Variants in TRPA1 observed in about 807,000 individuals in gnomAD.
The protein encoded by TRPA1 is transient receptor potential cation channel subfamily A member 1.
A neutral mutation model predicts 131.3 loss-of-function variants in TRPA1; 129 were observed. That is an observed-to-expected ratio of 0.98 (90% CI 0.85 to 1.14). The LOEUF is 1.14. Ranked by LOEUF, TRPA1 falls within the 50% of genes most tolerant of loss-of-function variation. TRPA1 has a pLI of 0.00. For synonymous variants in TRPA1, 441 were observed against 451.7 expected, an observed-to-expected ratio of 0.98 and a Z score of 0.30; for missense variants, 1,304 against 1,354.2, an observed-to-expected ratio of 0.96 and a Z score of 0.58.
chr8:72,025,119 T>G (rs1563378849), intron 25 of TRPA1, among the ~76,000 whole-genome samples: 2 of 146,464 alleles, frequency 1.4e-5, no homozygotes, highest in Non-Finnish European at 3.0e-5. Context: ...TGTGTGTGTG[T>G]GTGTGTGTGT....
chr8:72,029,487 A>T (rs955304259), intron 24 of TRPA1, among the ~76,000 whole-genome samples: 6 of 152,212 alleles, frequency 3.9e-5, no homozygotes. Flanking sequence ...ATGCTAAGTA[A>T]CTGTGCTCTT....
chr8:72,083,362 C>G, the TRPA1 span, among the ~76,000 whole-genome samples: 1 of 151,962 alleles, frequency 6.6e-6, no homozygotes, highest in Non-Finnish European at 1.5e-5. Context: ...TGTTTCTTTG[C>G]TTGTCTTATA....
At chr8:72,053,890 T>A in intron 12 of TRPA1, 23 bp from the exon 13 acceptor site, 1 of 1,560,184 alleles carries the variant, frequency 6.4e-7, no homozygotes, top group Non-Finnish European at 8.8e-7. Context: ...TAAGAAAAGA[T>A]GTGTGCATAC....
rs1427110909 is a variant in TRPA1 at position 72,023,618 on chromosome 8, CTGAT to C, written c.3149+192_3149+195del. 8 of 512,340 alleles carry C rather than the reference CTGAT, an allele frequency of 1.6e-5. No individual in the cohort carries two copies. In the East Asian group the frequency reaches 1.7e-4, roughly 11 times the overall value. 31.7% of individuals were successfully genotyped at this position (512,340 alleles called of 1,614,324 possible). A position where few individuals can be genotyped will look rare whatever the true frequency, so the allele number is the denominator to read the frequency against. ...TATTCACTTATGATTGGAAGGCAAA[CTGAT>C]TGGTGAATAGTGGCAAATATGTTGT... On this transcript the variant is annotated intron_variant, in intron 26 of 26. Coordinates refer to ENST00000262209, the MANE Select transcript of TRPA1 (RefSeq NM_007332.3).
At chr8:72,052,522 C>A in intron 14 of TRPA1, 77 bp downstream of exon 14, 1 of 1,574,556 alleles carries the variant, frequency 6.4e-7, no homozygotes, top group Non-Finnish European at 8.7e-7. Context: ...CATTTCTTTT[C>A]TCTTATTTTG....
the TRPA1 span, among the ~76,000 whole-genome samples, chr8:72,084,780 T>A: frequency 6.6e-6 from 1 of 151,336 alleles, no homozygotes; most frequent in Admixed American, 6.6e-5. Flanking sequence ...GCCTTCTGAG[T>A]AACTGGGATT....
rs150139289 is a variant in TRPA1, at chr8:72,069,127, C to T, written c.340G>A (p.Val114Ile). Residue 114 changes from valine (V) to isoleucine (I), a missense_variant, in exon 3 of 27, where the codon GTT becomes ATT. Val to Ile is a conservative substitution (Grantham distance 29). Coordinates refer to ENST00000262209, the MANE Select transcript of TRPA1 (RefSeq NM_007332.3). ...GCTCCTCTGCTGAGAAGAAACTTAA[C>T]GCTTTCAATTTGGTTTTTTTCTACA... ...CAVEKNQIES[V>I]KFLLSRGANP... The T allele has an allele frequency of 1.0e-4, 161 of 1,614,178 alleles. 1 individual carries two copies. The African/African-American group carries it at 1.5e-3, about 15-fold the overall frequency.
chr8:72,044,250 C>G (rs1207601364), intron 17 of TRPA1, among the ~76,000 whole-genome samples: 1 of 149,728 alleles, frequency 6.7e-6, no homozygotes, highest in Non-Finnish European at 1.5e-5. Context: ...GTTTTTGAGA[C>G]CTCATCTAAA....
At chr8:72,023,455 C>A in intron 26 of TRPA1, 1 of 449,900 alleles carries the variant, frequency 2.2e-6, no homozygotes, top group South Asian at 2.3e-5. Context: ...CTGTAAAACC[C>A]TCATGCTTAA....
the TRPA1 span, among the ~76,000 whole-genome samples, chr8:72,083,823 A>G: frequency 1.3e-5 from 2 of 152,298 alleles, no homozygotes; most frequent in East Asian, 1.9e-4. Context: ...TCTGTTTCCC[A>G]TGTGGTTTGT....
chr8:72,070,729 GC>G (rs1201825971), intron 2 of TRPA1, among the ~76,000 whole-genome samples: 1 of 152,098 alleles, frequency 6.6e-6, no homozygotes, highest in Non-Finnish European at 1.5e-5. Context: ...AGCTACCTTT[GC>G]TAGCAATTTT....
intron 21 of TRPA1, among the ~76,000 whole-genome samples, chr8:72,035,625 C>T (rs538964275): frequency 1.5e-4 from 23 of 152,168 alleles, no homozygotes; most frequent in East Asian, 3.9e-4. Context: ...GTCAGAGGCC[C>T]GGGAACTCAG....
intron 6 of TRPA1, 78 bp downstream of exon 6, chr8:72,062,721 T>A: frequency 7.2e-7 from 1 of 1,389,316 alleles, no homozygotes. Context: ...CTAAATTAAC[T>A]GTAAAAGAGC....
At chr8:72,023,223 C>T (rs10089294) in intron 26 of TRPA1, 107 bp from the exon 27 acceptor site, 22 of 325,928 alleles carry the variant, frequency 6.7e-5, no homozygotes, top group South Asian at 8.1e-5. Context: ...AATGTAGGAA[C>T]GCATAGGTTT....
chr8:72,057,142 T>C, intron 9 of TRPA1, 125 bp from the exon 10 acceptor site: 2 of 746,062 alleles, frequency 2.7e-6, no homozygotes, highest in South Asian at 1.8e-5. Flanking sequence ...TTACAGGAAA[T>C]TGTGTTTAGA....
intron 24 of TRPA1, among the ~76,000 whole-genome samples, chr8:72,027,859 G>A (rs1484220467): frequency 6.6e-6 from 1 of 152,152 alleles, no homozygotes; most frequent in Non-Finnish European, 1.5e-5. Flanking sequence ...AGAAAATATG[G>A]GGGGTACTAG....
At position 72,053,861 on chromosome 8, in the gene TRPA1, G is replaced by T. The variant is rs755886534; in HGVS notation, c.1536C>A (p.His512Gln). 6.2e-7 allele frequency: 1 copy of T among 1,610,382 alleles called. No individual in the cohort carries two copies. Among genetic ancestry groups the T allele is most frequent in the Non-Finnish European group, 8.5e-7 (1 of 1,178,884 alleles). ...LKKGALFLSDHNGWTALHHAS... is the reference protein window; with the variant it reads ...LKKGALFLSDQNGWTALHHAS... ...CATGATGCAAAGCTGTCCAGCCATT[G>T]TGGTCACTGGTAAAGAGTTAAGAAA... Residue 512 changes from histidine to glutamine, a missense_variant, in exon 13 of 27, where the codon CAC (histidine) becomes CAA (glutamine). Coordinates refer to ENST00000262209, the MANE Select transcript of TRPA1 (RefSeq NM_007332.3).
rs2701459 is a variant in TRPA1 at position 72,055,531 on chromosome 8, A to C, written c.1434T>G (p.Gly478=). The part of the protein sequence containing the change: ...DISDTRLLNE[G]DLHGMTPLHL... ...GGAGAGGAGTCATTCCATGAAGGTC[A>C]CCTTCATTCAGAAGCCTCGTATCAC... The change falls in exon 12 of 27, where the codon GGT becomes GGG. Residue 478 remains glycine, a synonymous_variant. Coordinates refer to ENST00000262209, the MANE Select transcript of TRPA1 (RefSeq NM_007332.3). 425 of 1,613,576 alleles carry C rather than the reference A, an allele frequency of 2.6e-4. No individual in the cohort carries two copies. The African/African-American group carries it at 2.6e-3, about 10-fold the overall frequency.
Position 72,047,425 on chromosome 8 carries a change from G to GA in TRPA1, c.1906-219dup, listed in dbSNP as rs944996865. ...ATGCCTCAGAAATACCAGTGATTCA[G>GA]AAAAAATACCATGTACTTGAGAATA... On this transcript the variant is annotated intron_variant, in intron 15 of 26. Coordinates refer to ENST00000262209, the MANE Select transcript of TRPA1 (RefSeq NM_007332.3). 2.6e-5 allele frequency among the ~76,000 whole-genome samples: 4 copies of GA among 151,966 alleles called. No homozygotes were observed. The East Asian group carries it at 5.8e-4, about 22-fold the overall frequency.
Sources: gnomAD v4.1 joint callset for allele counts (sites outside exome capture counted in the v4.1 genomes callset) on GRCh38, gnomAD v4.1.1 for gene constraint, MANE v1.5 for transcripts, NCBI Gene and HGNC (gene_info 2026-07-23, HGNC 2026-07-21) for gene names.